Variants in P4HA1 observed in about 807,000 individuals in gnomAD.
The protein encoded by P4HA1 is prolyl 4-hydroxylase subunit alpha 1.
Under a neutral mutation model 72.8 loss-of-function variants are expected in P4HA1, and 24 were observed. The observed-to-expected ratio is 0.33, with a 90% confidence interval of 0.24 to 0.46. P4HA1 has a LOEUF of 0.46. P4HA1 is among the 20% of genes least tolerant of loss of function. The pLI, the probability that P4HA1 is intolerant of heterozygous loss-of-function variation, is 1.00. For synonymous variants in P4HA1, 201 were observed against 218.8 expected, an observed-to-expected ratio of 0.92 and a Z score of 0.72; for missense variants, 446 against 640.6, an observed-to-expected ratio of 0.70 and a Z score of 3.28.
At chr10:73,044,008 G>A in intron 9 of P4HA1, 1 of 1,438,552 alleles carries the variant, frequency 7.0e-7, no homozygotes, top group Non-Finnish European at 9.7e-7. Context: ...AGGCAATTTT[G>A]GGCTTTTTGT....
intron 6 of P4HA1, 140 bp from the exon 7 acceptor site, chr10:73,051,389 AAAAATT>A: frequency 1.8e-6 from 1 of 570,058 alleles, no homozygotes; most frequent in South Asian, 2.5e-5. Flanking sequence ...AGGCACTAAT[AAAAATT>A]ATTATACCAA....
intron 4 of P4HA1, 101 bp downstream of exon 4, chr10:73,071,928 C>T (rs1841574439): frequency 3.4e-6 from 3 of 888,368 alleles, no homozygotes; most frequent in Non-Finnish European, 5.1e-6. Flanking sequence ...AGTTACAACA[C>T]TGAACTGAAC....
At position 73,022,357 on chromosome 10, in the gene P4HA1, C is replaced by T. The variant is rs544508725; in HGVS notation, c.1249-5458G>A. 1.8e-4 allele frequency among the ~76,000 whole-genome samples: 27 copies of T among 152,276 alleles called. No individual in the cohort carries two copies. The South Asian group carries it at 5.0e-3, about 28-fold the overall frequency. On this transcript the variant is annotated intron_variant, in intron 10 of 14. Coordinates refer to ENST00000394890, the MANE Select transcript of P4HA1 (RefSeq NM_001017962.3). ...CTGCTGGTGATACCCAGGCAAACAG[C>T]GTCTGGAATGGACCTCCAGCAAACT...
chr10:73,039,540 C>T (rs1227582716), intron 9 of P4HA1, among the ~76,000 whole-genome samples: 3 of 152,108 alleles, frequency 2.0e-5, no homozygotes, highest in African/African-American at 7.2e-5. Flanking sequence ...ATCTCCTGAC[C>T]TCGGGATCTG....
chr10:73,053,976 G>A (rs1466706158), intron 5 of P4HA1, among the ~76,000 whole-genome samples: 1 of 151,758 alleles, frequency 6.6e-6, no homozygotes, highest in East Asian at 1.9e-4. Flanking sequence ...GAATGCAATG[G>A]CACAATCTCA....
At chr10:73,015,636 T>C (rs1257954274) in intron 11 of P4HA1, among the ~76,000 whole-genome samples, 1 of 152,232 alleles carries the variant, frequency 6.6e-6, no homozygotes, top group African/African-American at 2.4e-5. Flanking sequence ...TTAGAGTTTA[T>C]GCCAGGGTCT....
In P4HA1 at chr10:73,030,258, T is replaced by A. The variant is rs1302308526; in HGVS notation, c.1248+13A>T. The A allele has an allele frequency of 7.3e-7, 1 of 1,366,906 alleles. No homozygotes were observed. The highest frequency in any genetic ancestry group is 1.0e-6 in the Non-Finnish European group (1 of 982,400). The allele number at this position is 1,366,906 out of a possible 1,614,324, so 84.7% of individuals were successfully genotyped here. On this transcript the variant is annotated intron_variant, in intron 10 of 14. Coordinates refer to ENST00000394890, the MANE Select transcript of P4HA1 (RefSeq NM_001017962.3). ...AAGTGTAAAAATGACTTAAGGATAA[T>A]GTGATTACCTACCTGTAATTCCTCT... is the stretch of plus-strand genomic sequence containing the variant.
chr10:73,073,593 T>TAA, intron 3 of P4HA1, 138 bp downstream of exon 3: 1 of 617,494 alleles, frequency 1.6e-6, no homozygotes, highest in Non-Finnish European at 2.9e-6. Flanking sequence ...ACTTGTTCTC[T>TAA]ATACTCCTAT....
chr10:73,064,882 CTG>C (rs1313992638), intron 5 of P4HA1, among the ~76,000 whole-genome samples: 2 of 151,422 alleles, frequency 1.3e-5, no homozygotes, highest in African/African-American at 4.9e-5. Context: ...ATCCGTTAAA[CTG>C]AGAGAGACAT....
chr10:73,072,205 G>A, intron 3 of P4HA1, 25 bp from the exon 4 acceptor site: 3 of 1,566,424 alleles, frequency 1.9e-6, no homozygotes, highest in Non-Finnish European at 2.6e-6. Context: ...CATAAAAACT[G>A]AATATTTATA....
chr10:73,027,584 A>T (rs1331232437), intron 10 of P4HA1, among the ~76,000 whole-genome samples: 5 of 137,306 alleles, frequency 3.6e-5, no homozygotes, highest in Non-Finnish European at 6.2e-5. Flanking sequence ...GTACCCTAGA[A>T]CTTAAAGTAT....
chr10:73,055,287 C>A (rs1475372639), intron 5 of P4HA1, among the ~76,000 whole-genome samples: 1 of 152,200 alleles, frequency 6.6e-6, no homozygotes. Flanking sequence ...TCACTGCAAT[C>A]TCCATCTCCC....
At chr10:73,014,398 A>G in intron 11 of P4HA1, 109 bp from the exon 12 acceptor site, 1 of 790,728 alleles carries the variant, frequency 1.3e-6, no homozygotes, top group Non-Finnish European at 2.2e-6. Flanking sequence ...GCCAACAACA[A>G]CCGCAAAAGT....
At chr10:73,022,835 C>T (rs533967206) in intron 10 of P4HA1, among the ~76,000 whole-genome samples, 19 of 152,222 alleles carry the variant, frequency 1.2e-4, no homozygotes, top group African/African-American at 4.1e-4. Context: ...GGCATAAGAA[C>T]GTCATGGTGC....
chr10:73,009,581 C>T (rs1839867928), intron 14 of P4HA1: 1 of 447,804 alleles, frequency 2.2e-6, no homozygotes, highest in Non-Finnish European at 4.1e-6. Flanking sequence ...AATTTTGAGT[C>T]AGTCATTGTT....
rs371188708 is a variant in P4HA1 at position 73,095,785 on chromosome 10, T to C, written c.-33+981A>G. Among the ~76,000 whole-genome samples the C allele has an allele frequency of 2.4e-4, 36 of 152,102 alleles. 1 individual carries two copies. The highest frequency in any genetic ancestry group is 6.8e-3 in the Middle Eastern group (2 of 294). On this transcript the variant is annotated intron_variant, in intron 1 of 14. Transcript: ENST00000394890. ...AGAAAACAGTGCAAAATTCCAAGAG[T>C]CTTCACTCTATCCGGAACGCGTAAG...
intron 1 of P4HA1, among the ~76,000 whole-genome samples, chr10:73,093,873 A>AAT (rs1167437294): frequency 0.045 from 1,301 of 29,182 alleles, 62 homozygotes; most frequent in Non-Finnish European, 0.077. Context: ...AAAAAAAAAA[A>AAT]ATATATATAT....
intron 11 of P4HA1, among the ~76,000 whole-genome samples, chr10:73,015,077 C>G (rs1839984816): frequency 6.6e-6 from 1 of 151,976 alleles, no homozygotes; most frequent in Middle Eastern, 3.4e-3. Context: ...GTGATCCACC[C>G]ACCTTGGCCT....
At chr10:73,061,877 G>C (rs948065362) in intron 5 of P4HA1, among the ~76,000 whole-genome samples, 18 of 152,290 alleles carry the variant, frequency 1.2e-4, no homozygotes, top group Admixed American at 9.2e-4. Flanking sequence ...AAATCAGCCA[G>C]GTGTGGTGGC....
Sources: allele counts gnomAD v4.1 joint callset (sites outside exome capture counted in the v4.1 genomes callset), GRCh38; gene constraint gnomAD v4.1.1; transcripts MANE v1.5; gene names NCBI Gene and HGNC (gene_info 2026-07-23, HGNC 2026-07-21).